STK32B: variants seen among roughly 807,000 people sequenced by gnomAD.
STK32B encodes the protein serine/threonine-protein kinase 32B.
In STK32B, 43 loss-of-function variants were observed where a neutral mutation model predicts 52.6. The ratio of observed to expected loss-of-function variants is 0.82; its 90% CI spans 0.64 to 1.05. STK32B has a LOEUF of 1.05. Ranked by LOEUF, STK32B falls within the 50% of genes least tolerant of loss-of-function variation. STK32B has a pLI of 0.00. For synonymous variants in STK32B, 238 were observed against 204.3 expected, an observed-to-expected ratio of 1.17 and a Z score of -1.41; for missense variants, 621 against 534.6, an observed-to-expected ratio of 1.16 and a Z score of -1.59.
intron 1 of STK32B, among the ~76,000 whole-genome samples, chr4:5,131,528 T>C (rs2108821728): frequency 6.6e-6 from 1 of 152,338 alleles, no homozygotes; most frequent in East Asian, 1.9e-4. Flanking sequence ...CCCCAGCCTG[T>C]GAAGCCCTGC....
chr4:5,479,188 C>T (rs1308314696), intron 11 of STK32B, among the ~76,000 whole-genome samples: 10 of 148,096 alleles, frequency 6.8e-5, no homozygotes, highest in Non-Finnish European at 1.0e-4. Flanking sequence ...GGCATGATCT[C>T]GGCTCACTGC....
chr4:5,264,804 G>A (rs183579222), intron 3 of STK32B, among the ~76,000 whole-genome samples: 3 of 150,438 alleles, frequency 2.0e-5, no homozygotes, highest in Admixed American at 2.0e-4. Context: ...AAAAAAAATT[G>A]TTGTGTTATA....
At chr4:5,463,239 G>A (rs990179480) in intron 9 of STK32B, among the ~76,000 whole-genome samples, 69 of 152,324 alleles carry the variant, frequency 4.5e-4, no homozygotes, top group Non-Finnish European at 7.5e-4. Context: ...TAAGAATCTC[G>A]ATGCAGTCCT....
At chr4:5,233,835 A>G (rs1442668655) in intron 3 of STK32B, among the ~76,000 whole-genome samples, 1 of 151,922 alleles carries the variant, frequency 6.6e-6, no homozygotes, top group Non-Finnish European at 1.5e-5. Context: ...ACAAGAAGTC[A>G]TAACAGATAG....
At chr4:5,270,150 G>C (rs1388882310) in intron 3 of STK32B, among the ~76,000 whole-genome samples, 3 of 152,124 alleles carry the variant, frequency 2.0e-5, no homozygotes, top group Non-Finnish European at 4.4e-5. Flanking sequence ...TCTCTAGAGG[G>C]ACAGAATGAA....
chr4:5,091,924 A>G (rs1360274730), intron 1 of STK32B, among the ~76,000 whole-genome samples: 1 of 152,228 alleles, frequency 6.6e-6, no homozygotes, highest in Non-Finnish European at 1.5e-5. Flanking sequence ...TTAAAACTTT[A>G]TGTTAAGTGA....
intron 11 of STK32B, among the ~76,000 whole-genome samples, chr4:5,487,165 T>A (rs907549354): frequency 6.6e-6 from 1 of 152,198 alleles, no homozygotes; most frequent in African/African-American, 2.4e-5. Context: ...CTCTGTCCCA[T>A]GTTGCAGGGA....
At chr4:5,364,812 G>C (rs187313741) in intron 4 of STK32B, among the ~76,000 whole-genome samples, 1 of 152,228 alleles carries the variant, frequency 6.6e-6, no homozygotes, top group Admixed American at 6.5e-5. Flanking sequence ...GTTCACAATG[G>C]TCTTTCAGCC....
chr4:5,376,576 T>A (rs1735602689), intron 4 of STK32B, among the ~76,000 whole-genome samples: 1 of 152,024 alleles, frequency 6.6e-6, no homozygotes, highest in Non-Finnish European at 1.5e-5. Context: ...GATTTACCTC[T>A]TTCCTCCTCC....
intron 3 of STK32B, among the ~76,000 whole-genome samples, chr4:5,327,835 T>G (rs1731978794): frequency 6.6e-6 from 1 of 152,228 alleles, no homozygotes; most frequent in African/African-American, 2.4e-5. Flanking sequence ...CCTCTCCAGC[T>G]ATGAAAGTCC....
chr4:5,080,996 T>C (rs996651217), intron 1 of STK32B, among the ~76,000 whole-genome samples: 6 of 152,266 alleles, frequency 3.9e-5, no homozygotes, highest in South Asian at 4.1e-4. Context: ...CTACTGTCTG[T>C]TTTTGTGAGT....
rs1331475204 is a variant in STK32B at position 5,467,346 on chromosome 4, A to T, written c.1041+512A>T. Among the ~76,000 whole-genome samples, 3 of 152,184 alleles carry T rather than the reference A, an allele frequency of 2.0e-5. No individual in the cohort carries two copies. The highest frequency in any genetic ancestry group is 2.9e-5 in the Non-Finnish European group (2 of 68,026). On this transcript the variant is annotated intron_variant, in intron 10 of 11. Coordinates refer to ENST00000282908, the MANE Select transcript of STK32B (RefSeq NM_018401.3). This position sits in a 1 kb window ranked among gnomAD's most constrained non-coding sequence, Gnocchi z 5.8. ...GGGGAGGGGCCGTCCTTGGCTCCCC[A>T]GGCTTCGAGTGGCGGCCGGCCCCCT...
At chr4:5,117,466 A>G (rs1201222503) in intron 1 of STK32B, among the ~76,000 whole-genome samples, 1 of 152,102 alleles carries the variant, frequency 6.6e-6, no homozygotes, top group Non-Finnish European at 1.5e-5. Context: ...AGAAAAAGTA[A>G]TTTTCCTTGT....
chr4:5,320,899 C>G (rs1051959987), intron 3 of STK32B, among the ~76,000 whole-genome samples: 11 of 152,106 alleles, frequency 7.2e-5, no homozygotes, highest in East Asian at 3.8e-4. Flanking sequence ...GAAATACATT[C>G]TTAGTGTCTT....
chr4:5,236,829 C>T (rs141219300), intron 3 of STK32B, among the ~76,000 whole-genome samples: 35 of 152,250 alleles, frequency 2.3e-4, no homozygotes, highest in African/African-American at 4.8e-4. Context: ...AAAATTACTG[C>T]GGCTAGGGAC....
At chr4:5,461,292 A>G (rs1053835716) in intron 9 of STK32B, among the ~76,000 whole-genome samples, 5 of 152,124 alleles carry the variant, frequency 3.3e-5, no homozygotes, top group African/African-American at 1.2e-4. Flanking sequence ...GCCCCGTATT[A>G]TGTGAATGGA....
chr4:5,226,939 T>C (rs2108801894), intron 3 of STK32B, among the ~76,000 whole-genome samples: 1 of 152,316 alleles, frequency 6.6e-6, no homozygotes, highest in South Asian at 2.1e-4. Context: ...TAACCAAAAA[T>C]ACTTATTTTT....
intron 3 of STK32B, among the ~76,000 whole-genome samples, chr4:5,317,479 A>C (rs1464107155): frequency 1.7e-5 from 1 of 59,210 alleles, no homozygotes; most frequent in Non-Finnish European, 3.1e-5. Flanking sequence ...TAATATATAT[A>C]TTACATATAT....
chr4:5,084,498 TA>T (rs1712610253), intron 1 of STK32B, among the ~76,000 whole-genome samples: 1 of 152,256 alleles, frequency 6.6e-6, no homozygotes, highest in Non-Finnish European at 1.5e-5. Flanking sequence ...GTAATGGTGA[TA>T]AAATGATTAT....
Sources: allele counts gnomAD v4.1 joint callset (sites outside exome capture counted in the v4.1 genomes callset), GRCh38; gene constraint gnomAD v4.1.1; non-coding constraint Gnocchi (gnomAD v3.1); transcripts MANE v1.5; gene names NCBI Gene and HGNC (gene_info 2026-07-23, HGNC 2026-07-21).